FBXO42: variants seen among roughly 807,000 people sequenced by gnomAD.
FBXO42 encodes F-box protein 42.
A neutral mutation model predicts 71.7 loss-of-function variants in FBXO42; 12 were observed. The ratio of observed to expected loss-of-function variants is 0.17; its 90% CI spans 0.11 to 0.27. The LOEUF is 0.27. FBXO42 is among the 10% of genes least tolerant of loss of function. The pLI is 1.00. For synonymous variants in FBXO42, 325 were observed against 327.5 expected (o/e 0.99, Z 0.08); for missense variants, 707 against 911.9 (o/e 0.78, Z 2.89).
Position 16,338,399 on chromosome 1 carries a change from C to CTTGTCTTG in FBXO42, c.-18+13848_-18+13855dup, listed in dbSNP as rs201538698. Among the ~76,000 whole-genome samples the CTTGTCTTG allele has an allele frequency of 6.3e-3, 934 of 147,132 alleles. 5 individuals carry two copies. Among genetic ancestry groups the CTTGTCTTG allele is most frequent in the African/African-American group, 0.023 (894 of 39,164 alleles). ...AAAGAATAACAATGTTGCATGACAT[C>CTTGTCTTG]TTGTCTTGGATACAGACTTTCACTT... On this transcript the variant is annotated intron_variant, in intron 1 of 9. Coordinates refer to ENST00000375592, the MANE Select transcript of FBXO42 (RefSeq NM_018994.3).
intron 1 of FBXO42, among the ~76,000 whole-genome samples, chr1:16,346,687 C>T (rs1377400351): frequency 3.0e-5 from 4 of 134,286 alleles, no homozygotes; most frequent in South Asian, 2.4e-4. Flanking sequence ...GACTCCGTCT[C>T]GGGGAAAAAA....
chr1:16,309,650 C>A (rs150033832), intron 2 of FBXO42, among the ~76,000 whole-genome samples: 1 of 152,222 alleles, frequency 6.6e-6, no homozygotes, highest in East Asian at 1.9e-4. Context: ...AATCCCAACA[C>A]TTTGGGAGGC....
At chr1:16,335,823 C>T (rs990204849) in intron 1 of FBXO42, among the ~76,000 whole-genome samples, 10 of 148,384 alleles carry the variant, frequency 6.7e-5, no homozygotes, top group Non-Finnish European at 1.0e-4. Context: ...GCTGAGATCA[C>T]GCCATTGCAT....
At chr1:16,276,675 C>G (rs969462849) in intron 4 of FBXO42, among the ~76,000 whole-genome samples, 1 of 152,184 alleles carries the variant, frequency 6.6e-6, no homozygotes, top group African/African-American at 2.4e-5. Flanking sequence ...GATAAGGCAT[C>G]ATATGAAATG....
At chr1:16,323,794 C>CAA (rs1158421632) in intron 1 of FBXO42, among the ~76,000 whole-genome samples, 1,626 of 62,616 alleles carry the variant, frequency 0.026, 77 homozygotes, top group African/African-American at 0.1. Context: ...GACTCTGTCT[C>CAA]AAAAAAAAAA....
intron 7 of FBXO42, chr1:16,253,427 G>T: frequency 1.7e-6 from 1 of 595,538 alleles, no homozygotes; most frequent in Non-Finnish European, 2.9e-6. Flanking sequence ...ACACAGCAAA[G>T]TAAATGCTTT....
intron 1 of FBXO42, among the ~76,000 whole-genome samples, chr1:16,315,721 T>A (rs1269758019): frequency 6.6e-6 from 1 of 152,078 alleles, no homozygotes; most frequent in East Asian, 1.9e-4. Context: ...TCTCCAACAA[T>A]TCTTCTAACT....
chr1:16,281,472 G>C (rs1286124616), intron 4 of FBXO42, among the ~76,000 whole-genome samples: 3 of 136,252 alleles, frequency 2.2e-5, no homozygotes, highest in East Asian at 2.1e-4. Flanking sequence ...TTCTTTTTTT[G>C]TTTTTTTTTT....
intron 4 of FBXO42, among the ~76,000 whole-genome samples, chr1:16,259,082 C>A (rs576104276): frequency 6.6e-6 from 1 of 152,226 alleles, no homozygotes; most frequent in African/African-American, 2.4e-5. Context: ...ATCTGAAGTG[C>A]TGAGGTATTC....
chr1:16,297,811 G>T (rs995093069), intron 3 of FBXO42, among the ~76,000 whole-genome samples: 4 of 148,630 alleles, frequency 2.7e-5, no homozygotes, highest in African/African-American at 9.9e-5. Context: ...AGCTTGCAGT[G>T]AGCCAAGATC....
chr1:16,301,275 C>G (rs1335365931), intron 3 of FBXO42, among the ~76,000 whole-genome samples: 1 of 152,086 alleles, frequency 6.6e-6, no homozygotes, highest in Non-Finnish European at 1.5e-5. Flanking sequence ...ACTGTGCATA[C>G]CTTTGTTGCA....
At position 16,293,731 on chromosome 1, in the gene FBXO42, T is replaced by A. The variant is rs573735763; in HGVS notation, c.502+1052A>T. 2.0e-5 allele frequency: 3 copies of A among 152,308 alleles called. No individual in the cohort carries two copies. In the South Asian group the frequency reaches 6.2e-4, roughly 32 times the overall value. 9.4% of individuals were successfully genotyped at this position (152,308 alleles called of 1,614,324 possible). A position where few individuals can be genotyped will look rare whatever the true frequency, so the allele number is the denominator to read the frequency against. ...GCTTCTTCTCATAAACAGGTTTAAG[T>A]CCCTGGCCTAGACATTCACAGTAGC... is the stretch of plus-strand genomic sequence containing the variant. On this transcript the variant is annotated intron_variant, in intron 4 of 9. Coordinates refer to ENST00000375592, the MANE Select transcript of FBXO42 (RefSeq NM_018994.3).
chr1:16,292,646 A>C (rs1428532305), intron 4 of FBXO42: 1 of 152,152 alleles, frequency 6.6e-6, no homozygotes, highest in Non-Finnish European at 1.5e-5. Flanking sequence ...GTCTTACTCC[A>C]TATTACAGGG....
chr1:16,318,605 G>A (rs2100584060), intron 1 of FBXO42, among the ~76,000 whole-genome samples: 1 of 152,278 alleles, frequency 6.6e-6, no homozygotes, highest in South Asian at 2.1e-4. Context: ...AAAGTCTGAG[G>A]TAAAACCAGT....
chr1:16,312,524 G>A (rs2082322781), intron 2 of FBXO42, among the ~76,000 whole-genome samples: 1 of 152,140 alleles, frequency 6.6e-6, no homozygotes. Flanking sequence ...GGAAGGAAAG[G>A]ATAAACAGGG....
intron 4 of FBXO42, among the ~76,000 whole-genome samples, chr1:16,287,812 A>G (rs1011384760): frequency 6.6e-6 from 1 of 152,046 alleles, no homozygotes; most frequent in Admixed American, 6.6e-5. Flanking sequence ...GGCCAGGCAC[A>G]GTGGCTCATG....
intron 4 of FBXO42, among the ~76,000 whole-genome samples, chr1:16,290,958 C>G (rs2082070998): frequency 6.6e-6 from 1 of 152,270 alleles, no homozygotes; most frequent in East Asian, 1.9e-4. Context: ...ACCACATAAC[C>G]AAATACACAT....
chr1:16,318,990 TA>T (rs1442309753), intron 1 of FBXO42, among the ~76,000 whole-genome samples: 1 of 152,164 alleles, frequency 6.6e-6, no homozygotes, highest in African/African-American at 2.4e-5. Context: ...TTTGAAGGGA[TA>T]ATTTTATTAT....
intron 6 of FBXO42, among the ~76,000 whole-genome samples, chr1:16,254,069 G>C (rs1212125227): frequency 1.3e-5 from 2 of 152,218 alleles, no homozygotes; most frequent in African/African-American, 2.4e-5. Flanking sequence ...GCGCAGCAAA[G>C]TGTTATGCTC....
Sources: gnomAD v4.1 joint callset for allele counts (sites outside exome capture counted in the v4.1 genomes callset) on GRCh38, gnomAD v4.1.1 for gene constraint, MANE v1.5 for transcripts, NCBI Gene and HGNC (gene_info 2026-07-23, HGNC 2026-07-21) for gene names.